Variants in N4BP2 observed in about 807,000 individuals in gnomAD.
N4BP2 encodes NEDD4 binding protein 2, also known as NEDD4-binding protein 2.
In N4BP2, 91 loss-of-function variants were observed where a neutral mutation model predicts 152.8. The observed-to-expected ratio is 0.60, with a 90% CI of 0.50 to 0.71. The LOEUF (loss-of-function observed/expected upper bound fraction) is 0.71, where lower values mean the gene tolerates loss of function less well. N4BP2 is among the 30% of genes least tolerant of loss of function. The pLI, the probability that N4BP2 is intolerant of heterozygous loss-of-function variation, is 0.00. For synonymous variants in N4BP2, 646 were observed against 705.3 expected, an observed-to-expected ratio of 0.92 and a Z score of 1.33; for missense variants, 1,923 against 2,059.1, an observed-to-expected ratio of 0.93 and a Z score of 1.28.
the N4BP2 span, among the ~76,000 whole-genome samples, chr4:40,182,628 T>TG: frequency 1.3e-5 from 2 of 151,956 alleles, no homozygotes; most frequent in Admixed American, 1.3e-4. Flanking sequence ...ATTTTTTTTT[T>TG]GTAGAGACGA....
the N4BP2 span, among the ~76,000 whole-genome samples, chr4:40,171,605 T>C: frequency 6.6e-6 from 1 of 152,154 alleles, no homozygotes. Flanking sequence ...AGTAATCTAG[T>C]TGGATTAGTC....
At chr4:40,116,461 T>A (rs1717345348) in intron 7 of N4BP2, among the ~76,000 whole-genome samples, 1 of 152,168 alleles carries the variant, frequency 6.6e-6, no homozygotes, top group Non-Finnish European at 1.5e-5. Context: ...CAAATTTTTG[T>A]ATTAAATTTT....
intron 2 of N4BP2, among the ~76,000 whole-genome samples, chr4:40,088,454 C>T (rs1480460628): frequency 2.0e-5 from 3 of 149,962 alleles, no homozygotes; most frequent in Non-Finnish European, 4.4e-5. Flanking sequence ...GGTGTTGTAC[C>T]TGTTTTTTAT....
chr4:40,059,596 C>T (rs1037263321), intron 1 of N4BP2, among the ~76,000 whole-genome samples: 3 of 151,888 alleles, frequency 2.0e-5, no homozygotes, highest in African/African-American at 7.3e-5. Flanking sequence ...GTGATCCGCC[C>T]GCTTTGGCCT....
rs973614331 is a variant in N4BP2, at chr4:40,121,930, G to A, written c.3819G>A (p.Glu1273=). 4 of 1,586,788 alleles carry A rather than the reference G, an allele frequency of 2.5e-6. No homozygotes were observed. The highest frequency in any genetic ancestry group is 3.4e-6 in the Non-Finnish European group (4 of 1,170,964). ...SETEKNLVVT[E]TGDNIHSPSH... is the part of the protein sequence containing the mutation. ...CAGAAAAAAACCTAGTAGTCACAGAGACTGGAGACAACATACATTCTCCTT... is the reference window on the plus strand; with the variant it reads ...CAGAAAAAAACCTAGTAGTCACAGAAACTGGAGACAACATACATTCTCCTT... The change falls in exon 9 of 18, where the codon GAG becomes GAA. Residue 1273 remains glutamate, a synonymous_variant. Transcript: ENST00000261435.
At chr4:40,081,093 G>A (rs1002755707) in intron 2 of N4BP2, among the ~76,000 whole-genome samples, 3 of 151,942 alleles carry the variant, frequency 2.0e-5, no homozygotes, top group African/African-American at 7.3e-5. Context: ...GCAAACTGGA[G>A]GAAGTACAGA....
intron 16 of N4BP2, among the ~76,000 whole-genome samples, chr4:40,152,367 C>T (rs1721220183): frequency 6.6e-6 from 1 of 152,086 alleles, no homozygotes; most frequent in South Asian, 2.1e-4. Flanking sequence ...ATTTAATTAA[C>T]AGGGTTGTTG....
intron 8 of N4BP2, among the ~76,000 whole-genome samples, chr4:40,118,342 G>A (rs1174641845): frequency 6.6e-6 from 1 of 152,220 alleles, no homozygotes; most frequent in African/African-American, 2.4e-5. Flanking sequence ...CTTGAACCCT[G>A]GAGGCAGAGG....
intron 16 of N4BP2, among the ~76,000 whole-genome samples, chr4:40,151,663 A>G (rs1273174536): frequency 6.6e-6 from 1 of 152,214 alleles, no homozygotes; most frequent in African/African-American, 2.4e-5. Flanking sequence ...AAAAGTTCGT[A>G]AAAAGGTTTT....
In N4BP2 at chr4:40,121,668, G is replaced by A; in HGVS notation, c.3557G>A (p.Ser1186Asn). The A allele has an allele frequency of 5.0e-6, 8 of 1,614,162 alleles. No individual in the cohort carries two copies. Among genetic ancestry groups the A allele is most frequent in the South Asian group, 1.1e-5 (1 of 91,086 alleles). Residue 1186 changes from serine (S) to asparagine (N), a missense_variant, in exon 9 of 18, where the codon AGT becomes AAT. Coordinates refer to ENST00000261435, the MANE Select transcript of N4BP2 (RefSeq NM_018177.6). ...GAGTTTAGCCATGGGATTGGTATTA[G>A]TAACGCTGACTCACAGTCTACTTGT... ...VPEFSHGIGI[S>N]NADSQSTCDA... is the part of the protein sequence containing the mutation.
chr4:40,104,275 T>TC (rs746656587), intron 4 of N4BP2, among the ~76,000 whole-genome samples: 9 of 151,284 alleles, frequency 5.9e-5, no homozygotes, highest in African/African-American at 1.2e-4. Context: ...TTTTTTTTTT[T>TC]CCTTTTTCCA....
the N4BP2 span, among the ~76,000 whole-genome samples, chr4:40,170,943 T>C: frequency 6.6e-6 from 1 of 152,228 alleles, no homozygotes; most frequent in African/African-American, 2.4e-5. Context: ...ATAAGTGATA[T>C]GGAAAAGGCT....
the N4BP2 span, among the ~76,000 whole-genome samples, chr4:40,185,314 G>A: frequency 3.9e-5 from 6 of 152,016 alleles, no homozygotes; most frequent in African/African-American, 1.4e-4. Flanking sequence ...AGCAATAGTG[G>A]TTTTTGCTGT....
chr4:40,095,600 T>G (rs1434059937), intron 2 of N4BP2, among the ~76,000 whole-genome samples: 1 of 152,158 alleles, frequency 6.6e-6, no homozygotes, highest in Non-Finnish European at 1.5e-5. Context: ...TGATACAAAT[T>G]TAATTAAAAG....
chr4:40,161,538 G>C (rs1036269949), downstream of N4BP2, among the ~76,000 whole-genome samples: 1 of 152,160 alleles, frequency 6.6e-6, no homozygotes. Context: ...TGTGAACATT[G>C]ACTTGATAAT....
downstream of N4BP2, among the ~76,000 whole-genome samples, chr4:40,162,883 A>G (rs1721894743): frequency 6.6e-6 from 1 of 152,216 alleles, no homozygotes; most frequent in African/African-American, 2.4e-5. Flanking sequence ...CCACAGAGCC[A>G]GGGAAGCTGA....
At chr4:40,069,338 T>C (rs1158849806) in intron 1 of N4BP2, among the ~76,000 whole-genome samples, 5 of 152,108 alleles carry the variant, frequency 3.3e-5, no homozygotes, top group Admixed American at 3.3e-4. Context: ...ACTCGGAGGC[T>C]GAGGCAGGAG....
chr4:40,067,344 G>A (rs1711627957), intron 1 of N4BP2, among the ~76,000 whole-genome samples: 1 of 120,228 alleles, frequency 8.3e-6, no homozygotes, highest in African/African-American at 3.1e-5. Flanking sequence ...ATGAGCTACT[G>A]TGCCTGGCCT....
intron 5 of N4BP2, among the ~76,000 whole-genome samples, chr4:40,109,068 G>T (rs1471272824): frequency 2.6e-5 from 4 of 151,968 alleles, no homozygotes; most frequent in African/African-American, 9.7e-5. Flanking sequence ...ACCTATCTCA[G>T]CCTCCCGAAG....
Sources: gnomAD v4.1 joint callset for allele counts (sites outside exome capture counted in the v4.1 genomes callset) on GRCh38, gnomAD v4.1.1 for gene constraint, MANE v1.5 for transcripts, NCBI Gene and HGNC (gene_info 2026-07-23, HGNC 2026-07-21) for gene names.